The following AKT3 variants were observed in gnomAD, a reference collection of about 807,000 sequenced individuals.
The protein encoded by AKT3 is RAC-gamma serine/threonine-protein kinase.
AKT3 carries 15 observed loss-of-function variants against 65.3 expected under a neutral mutation model. The observed-to-expected ratio is 0.23, with a 90% CI of 0.15 to 0.35. The LOEUF (loss-of-function observed/expected upper bound fraction) is 0.35. Ranked by LOEUF, AKT3 falls within the 10% of genes least tolerant of loss-of-function variation. The pLI is 1.00. For missense variants in AKT3, 243 were observed against 576.5 expected (o/e 0.42, Z 5.92); for synonymous variants, 206 against 183.8 (o/e 1.12, Z -0.98).
At chr1:243,527,905 A>T (rs1223769753) in intron 12 of AKT3, among the ~76,000 whole-genome samples, 3 of 115,572 alleles carry the variant, frequency 2.6e-5, no homozygotes, top group African/African-American at 1.3e-4. Context: ...ACACACACAC[A>T]CACACACACA....
At chr1:243,626,475 G>A (rs1400515576) in intron 6 of AKT3, among the ~76,000 whole-genome samples, 1 of 152,080 alleles carries the variant, frequency 6.6e-6, no homozygotes, top group African/African-American at 2.4e-5. Context: ...CACCAAGCTG[G>A]GAAGCAAAAA....
chr1:243,836,649 G>T (rs1339119915), intron 2 of AKT3, among the ~76,000 whole-genome samples: 1 of 152,132 alleles, frequency 6.6e-6, no homozygotes, highest in African/African-American at 2.4e-5. Flanking sequence ...AGTGGCTCAG[G>T]CCTGTAATCC....
At chr1:243,801,602 G>T (rs1002523979) in intron 2 of AKT3, among the ~76,000 whole-genome samples, 1 of 152,164 alleles carries the variant, frequency 6.6e-6, no homozygotes, top group African/African-American at 2.4e-5. Flanking sequence ...AGAATTCTGA[G>T]GTTAGGGAAA....
At chr1:243,754,220 C>G (rs1688983057) in intron 2 of AKT3, among the ~76,000 whole-genome samples, 2 of 152,198 alleles carry the variant, frequency 1.3e-5, no homozygotes, top group South Asian at 2.1e-4. Flanking sequence ...ATTTGTTTGA[C>G]TGAACTCCAA....
chr1:243,634,258 C>A (rs1030552150), intron 6 of AKT3, among the ~76,000 whole-genome samples: 2 of 151,668 alleles, frequency 1.3e-5, no homozygotes, highest in African/African-American at 4.8e-5. Flanking sequence ...TATTTTTATT[C>A]TTGTATTATT....
chr1:243,650,534 T>C (rs1681226896), intron 4 of AKT3, among the ~76,000 whole-genome samples: 1 of 152,174 alleles, frequency 6.6e-6, no homozygotes, highest in African/African-American at 2.4e-5. Flanking sequence ...GTTTTTATGG[T>C]TTTAGGTCTT....
chr1:243,537,861 T>TC (rs1351555084), intron 12 of AKT3, among the ~76,000 whole-genome samples: 1 of 152,204 alleles, frequency 6.6e-6, no homozygotes, highest in Non-Finnish European at 1.5e-5. Flanking sequence ...TACTTTTTTT[T>TC]CTCACATTGT....
intron 7 of AKT3, among the ~76,000 whole-genome samples, chr1:243,614,148 GACA>G (rs1173940555): frequency 1.3e-5 from 2 of 152,100 alleles, no homozygotes; most frequent in African/African-American, 2.4e-5. Flanking sequence ...CTAATACAAT[GACA>G]ACATCACTTT....
rs992227607 is a variant in AKT3 at position 243,544,575 on chromosome 1, C to T, written c.1251+935G>A. On this transcript the variant is annotated intron_variant, in intron 12 of 13. Coordinates refer to ENST00000673466, the MANE Select transcript of AKT3 (RefSeq NM_005465.7). Reference sequence around the variant, plus strand: ...AGAGGCTGCTGAGCTGTGATCGTGCCGTGCCACTGCACTCCAGCCTGGCCA... The same window carrying T: ...AGAGGCTGCTGAGCTGTGATCGTGCTGTGCCACTGCACTCCAGCCTGGCCA... 1.8e-4 allele frequency among the ~76,000 whole-genome samples: 27 copies of T among 151,962 alleles called. 1 individual carries two copies. Among genetic ancestry groups the T allele is most frequent in the African/African-American group, 6.0e-4 (25 of 41,380 alleles).
chr1:243,619,639 G>T lies in AKT3; in HGVS notation c.562-4478C>A, dbSNP rs1678593387. 2.0e-5 allele frequency among the ~76,000 whole-genome samples: 2 copies of T among 98,372 alleles called. 1 individual carries two copies. The highest frequency in any genetic ancestry group is 5.7e-5 in the Non-Finnish European group (2 of 35,142). The allele number at this position is 98,372 out of a possible 152,430, so 64.5% of individuals were successfully genotyped here. ...CTGGCTTATTTCACTTAACATAATG[G>T]GTTCCATTTCCATCAATGTTGCTGC... On this transcript the variant is annotated intron_variant, in intron 6 of 13. Coordinates refer to ENST00000673466, the MANE Select transcript of AKT3 (RefSeq NM_005465.7).
At position 243,850,207 on chromosome 1, in the gene AKT3, C is replaced by T. The variant is rs1695711627; in HGVS notation, c.-280G>A. 2 of 154,512 alleles carry T rather than the reference C, an allele frequency of 1.3e-5. No individual in the cohort carries two copies. The highest frequency in any genetic ancestry group is 1.8e-4 in the South Asian group (1 of 5,668). The allele number at this position is 154,512 out of a possible 1,614,324, so 9.6% of individuals were successfully genotyped here. A position where few individuals can be genotyped will look rare whatever the true frequency, so the allele number is the denominator to read the frequency against. On this transcript the variant is annotated 5_prime_UTR_variant, in exon 1 of 14. Coordinates refer to ENST00000673466, the MANE Select transcript of AKT3 (RefSeq NM_005465.7). ...CCACAGAGCCTCTGGCCTCCTGGAGCCCGGTGCGGCCGGCGGGAGGGCAAG... is the reference window on the plus strand; with the variant it reads ...CCACAGAGCCTCTGGCCTCCTGGAGTCCGGTGCGGCCGGCGGGAGGGCAAG...
intron 2 of AKT3, chr1:243,817,945 T>A (rs1189071315): frequency 1.3e-5 from 2 of 152,222 alleles, no homozygotes; most frequent in African/African-American, 4.8e-5. Flanking sequence ...TTTATTGACA[T>A]CTATTTTAAG....
intron 2 of AKT3, among the ~76,000 whole-genome samples, chr1:243,757,423 G>T (rs1053464139): frequency 5.9e-5 from 9 of 152,114 alleles, no homozygotes; most frequent in Admixed American, 4.6e-4. Context: ...TTCAAGACCA[G>T]CCTGGCCAAC....
chr1:243,839,175 T>C (rs932592264), intron 2 of AKT3, among the ~76,000 whole-genome samples: 1 of 152,194 alleles, frequency 6.6e-6, no homozygotes, highest in East Asian at 1.9e-4. Flanking sequence ...TTTAATTCTA[T>C]AATTTAGACC....
intron 2 of AKT3, chr1:243,739,443 A>G (rs551916415): frequency 9.8e-5 from 15 of 152,366 alleles, no homozygotes; most frequent in Admixed American, 2.0e-4. Flanking sequence ...AAAGGAAAAC[A>G]TATTGTTTAA....
At chr1:243,529,169 ATTTG>A (rs1355327079) in intron 12 of AKT3, among the ~76,000 whole-genome samples, 7 of 143,788 alleles carry the variant, frequency 4.9e-5, no homozygotes, top group Admixed American at 1.4e-4. Context: ...TTTTTTGTAA[ATTTG>A]TTTAAATTCC....
At chr1:243,632,503 G>A (rs1351390840) in intron 6 of AKT3, among the ~76,000 whole-genome samples, 1 of 152,174 alleles carries the variant, frequency 6.6e-6, no homozygotes, top group Non-Finnish European at 1.5e-5. Flanking sequence ...AAGAGAACAG[G>A]CAGTGTAGAG....
chr1:243,554,725 A>G (rs1673297110), intron 10 of AKT3, among the ~76,000 whole-genome samples: 1 of 152,116 alleles, frequency 6.6e-6, no homozygotes. Context: ...CTACATTCCT[A>G]CAACACCAAC....
At chr1:243,515,715 G>A (rs1039397746) in intron 12 of AKT3, among the ~76,000 whole-genome samples, 6 of 152,168 alleles carry the variant, frequency 3.9e-5, no homozygotes, top group African/African-American at 1.2e-4. Context: ...TGCGGGCCAG[G>A]TGTGGTGGCT....
Sources: gnomAD v4.1 joint callset for allele counts (sites outside exome capture counted in the v4.1 genomes callset) on GRCh38, gnomAD v4.1.1 for gene constraint, MANE v1.5 for transcripts, NCBI Gene and HGNC (gene_info 2026-07-23, HGNC 2026-07-21) for gene names.